The following ST8SIA1 variants were observed in gnomAD, a reference collection of about 807,000 sequenced individuals.
The protein encoded by ST8SIA1 is alpha-N-acetylneuraminide alpha-2,8-sialyltransferase.
In ST8SIA1, 16 loss-of-function variants were observed where a neutral mutation model predicts 35.9. The ratio of observed to expected loss-of-function variants is 0.45; its 90% CI spans 0.30 to 0.68. The LOEUF is 0.68. Ranked by LOEUF, ST8SIA1 falls within the 30% of genes least tolerant of loss-of-function variation. The probability of loss-of-function intolerance (pLI) is 0.09; values close to 1 mark genes in which losing one functional copy is unlikely to be tolerated. For synonymous variants in ST8SIA1, 170 were observed against 169.6 expected (o/e 1.00, Z -0.02); for missense variants, 383 against 453.6 (o/e 0.84, Z 1.41).
At chr12:22,288,294 AC>A (rs1866128595) in intron 1 of ST8SIA1, among the ~76,000 whole-genome samples, 1 of 152,154 alleles carries the variant, frequency 6.6e-6, no homozygotes, top group Non-Finnish European at 1.5e-5. Context: ...CTGAAAGGGG[AC>A]GGTGGAGTGG....
chr12:22,205,219 A>G (rs1460049161), intron 4 of ST8SIA1, among the ~76,000 whole-genome samples: 3 of 152,188 alleles, frequency 2.0e-5, no homozygotes, highest in Admixed American at 2.0e-4. Context: ...ACAAAGGACA[A>G]GTTCTATTCA....
At chr12:22,248,436 G>A (rs1254912067) in intron 4 of ST8SIA1, among the ~76,000 whole-genome samples, 1 of 148,130 alleles carries the variant, frequency 6.8e-6, no homozygotes, top group African/African-American at 2.5e-5. Flanking sequence ...CAGCTTCCAA[G>A]ATTCCAGGCA....
intron 4 of ST8SIA1, among the ~76,000 whole-genome samples, chr12:22,203,090 A>T (rs1232699802): frequency 1.3e-5 from 2 of 152,040 alleles, no homozygotes; most frequent in Admixed American, 6.6e-5. Flanking sequence ...CAGTCTGTGT[A>T]AAAAAAAGGT....
chr12:22,306,276 C>G (rs552297337), intron 1 of ST8SIA1, among the ~76,000 whole-genome samples: 1 of 152,154 alleles, frequency 6.6e-6, no homozygotes, highest in Non-Finnish European at 1.5e-5. Context: ...GTCATGGGCA[C>G]GTCCTCAATC....
intron 1 of ST8SIA1, among the ~76,000 whole-genome samples, chr12:22,298,934 A>G (rs1866282162): frequency 6.6e-6 from 1 of 152,228 alleles, no homozygotes; most frequent in Admixed American, 6.5e-5. Flanking sequence ...TTAAACTTGG[A>G]AGCATTGAGA....
At chr12:22,285,882 A>C (rs1170686399) in intron 2 of ST8SIA1, among the ~76,000 whole-genome samples, 1 of 150,870 alleles carries the variant, frequency 6.6e-6, no homozygotes, top group East Asian at 1.9e-4. Context: ...AAAAACAAAA[A>C]AAAAAAAAAA....
intron 1 of ST8SIA1, among the ~76,000 whole-genome samples, chr12:22,301,881 A>G (rs961250365): frequency 3.9e-5 from 6 of 152,172 alleles, no homozygotes; most frequent in Non-Finnish European, 7.3e-5. Flanking sequence ...ATTTGATGGT[A>G]CAAATCCATG....
intron 2 of ST8SIA1, among the ~76,000 whole-genome samples, chr12:22,280,950 A>G (rs10492282): frequency 0.054 from 8,231 of 152,318 alleles, 334 homozygotes; most frequent in East Asian, 0.15. Flanking sequence ...TCCAAATATA[A>G]TGAAACAAAG....
chr12:22,237,448 G>C (rs1037931488), intron 4 of ST8SIA1, among the ~76,000 whole-genome samples: 2 of 151,702 alleles, frequency 1.3e-5, no homozygotes, highest in Non-Finnish European at 2.9e-5. Context: ...ATAAAATTTT[G>C]CAACTTTGGA....
At chr12:22,237,932 T>C (rs941097745) in intron 4 of ST8SIA1, among the ~76,000 whole-genome samples, 5 of 152,156 alleles carry the variant, frequency 3.3e-5, no homozygotes, top group Non-Finnish European at 7.4e-5. Flanking sequence ...TCTTTTCTGG[T>C]TTTTGTTGTT....
At chr12:22,227,553 C>T (rs1865373393) in intron 4 of ST8SIA1, among the ~76,000 whole-genome samples, 1 of 151,966 alleles carries the variant, frequency 6.6e-6, no homozygotes, top group Non-Finnish European at 1.5e-5. Flanking sequence ...GCCTGGGCGA[C>T]AGAGCAAGAC....
At chr12:22,221,912 T>C (rs538629356) in intron 4 of ST8SIA1, among the ~76,000 whole-genome samples, 144 of 152,252 alleles carry the variant, frequency 9.5e-4, no homozygotes, top group Non-Finnish European at 1.7e-3. Flanking sequence ...TATACAGCAG[T>C]CATTCTCCTC....
intron 2 of ST8SIA1, among the ~76,000 whole-genome samples, chr12:22,276,181 T>G (rs1865966241): frequency 6.6e-6 from 1 of 152,134 alleles, no homozygotes; most frequent in Non-Finnish European, 1.5e-5. Flanking sequence ...AAAAAACTAG[T>G]CCTCTTAGAA....
chr12:22,245,046 T>C (rs1865584640), intron 4 of ST8SIA1, among the ~76,000 whole-genome samples: 1 of 152,236 alleles, frequency 6.6e-6, no homozygotes, highest in South Asian at 2.1e-4. Context: ...ATAATAGCTT[T>C]TTAATAAGTC....
chr12:22,319,259 C>T (rs1417787674), intron 1 of ST8SIA1, among the ~76,000 whole-genome samples: 1 of 152,132 alleles, frequency 6.6e-6, no homozygotes, highest in East Asian at 1.9e-4. Flanking sequence ...ATTATTGTCT[C>T]AAAAATGGAG....
chr12:22,332,437 C>T (rs2135850628), intron 1 of ST8SIA1, among the ~76,000 whole-genome samples: 1 of 152,284 alleles, frequency 6.6e-6, no homozygotes, highest in South Asian at 2.1e-4. Context: ...TCTTTCATTG[C>T]AAACCAATGG....
intron 1 of ST8SIA1, among the ~76,000 whole-genome samples, chr12:22,309,935 T>C (rs1444388596): frequency 6.6e-6 from 1 of 152,208 alleles, no homozygotes; most frequent in Non-Finnish European, 1.5e-5. Flanking sequence ...AATTAGGTAC[T>C]TTTATTTATC....
At chr12:22,221,044 G>A (rs1467493544) in intron 4 of ST8SIA1, among the ~76,000 whole-genome samples, 1 of 152,184 alleles carries the variant, frequency 6.6e-6, no homozygotes, top group African/African-American at 2.4e-5. Context: ...ACTGGAGGTA[G>A]CATCTCAAGT....
intron 2 of ST8SIA1, among the ~76,000 whole-genome samples, chr12:22,276,318 T>A (rs1865968279): frequency 6.6e-6 from 1 of 152,246 alleles, no homozygotes; most frequent in East Asian, 1.9e-4. Context: ...AAGACCCATG[T>A]AACTAACTGT....
Sources: gnomAD v4.1 joint callset for allele counts (sites outside exome capture counted in the v4.1 genomes callset) on GRCh38, gnomAD v4.1.1 for gene constraint, MANE v1.5 for transcripts, NCBI Gene and HGNC (gene_info 2026-07-23, HGNC 2026-07-21) for gene names.